The following NBEA variants were observed in gnomAD, a reference collection of about 807,000 sequenced individuals.
NBEA encodes lysosomal-trafficking regulator 2.
Under a neutral mutation model 343.4 loss-of-function variants are expected in NBEA, and 44 were observed. That is an observed-to-expected ratio of 0.13 (90% CI 0.10 to 0.16). The LOEUF is 0.16. Ranked by LOEUF, NBEA falls within the 10% of genes least tolerant of loss-of-function variation. The pLI, the probability that NBEA is intolerant of heterozygous loss-of-function variation, is 1.00. For synonymous variants in NBEA, 1,175 were observed against 1,238.7 expected (o/e 0.95, Z 1.08); for missense variants, 2,555 against 3,631.3 (o/e 0.70, Z 7.62).
intron 17 of NBEA, among the ~76,000 whole-genome samples, chr13:35,138,287 A>AT (rs1465078572): frequency 2.0e-5 from 3 of 152,124 alleles, no homozygotes; most frequent in Non-Finnish European, 2.9e-5. Flanking sequence ...GCAAAGTCTC[A>AT]TAAAAATTAA....
chr13:35,647,543 G>A (rs563947912), intron 51 of NBEA, among the ~76,000 whole-genome samples: 7 of 152,154 alleles, frequency 4.6e-5, no homozygotes, highest in East Asian at 3.9e-4. Context: ...ATCAGTAGTC[G>A]AACTTTTGGG....
At chr13:35,403,553 T>C (rs2043101005) in intron 38 of NBEA, among the ~76,000 whole-genome samples, 1 of 152,136 alleles carries the variant, frequency 6.6e-6, no homozygotes, top group Non-Finnish European at 1.5e-5. Flanking sequence ...GCTAGCCATA[T>C]GTAGAAAGCT....
chr13:35,224,945 G>T (rs993950795), intron 33 of NBEA, among the ~76,000 whole-genome samples: 1 of 152,056 alleles, frequency 6.6e-6, no homozygotes, highest in African/African-American at 2.4e-5. Context: ...ATTGAGCAGG[G>T]TTTATGTTTT....
chr13:35,066,421 T>C (rs2063655879), intron 8 of NBEA, among the ~76,000 whole-genome samples: 1 of 152,146 alleles, frequency 6.6e-6, no homozygotes, highest in Non-Finnish European at 1.5e-5. Context: ...TATTAAGTTG[T>C]GTGTTTCTCC....
rs538439178 is a variant in NBEA at position 35,030,608 on chromosome 13, A to G, written c.295-10325A>G. Among the ~76,000 whole-genome samples the G allele has an allele frequency of 2.0e-5, 3 of 151,794 alleles. No homozygotes were observed. In the East Asian group the frequency reaches 5.8e-4, roughly 29 times the overall value. On this transcript the variant is annotated intron_variant, in intron 1 of 58. Coordinates refer to ENST00000379939, the MANE Select transcript of NBEA (RefSeq NM_001385012.1). ...TAAATAATGAAGGTCAACTCTTTTT[A>G]CTTATTATATGCTTTAGTTGCTAAT...
intron 41 of NBEA, among the ~76,000 whole-genome samples, chr13:35,543,497 G>A (rs1225314604): frequency 6.6e-6 from 1 of 152,030 alleles, no homozygotes; most frequent in Admixed American, 6.6e-5. Context: ...TGAAAGTAAA[G>A]AATTGGGAAA....
chr13:35,170,374 A>T (rs2070369966), intron 25 of NBEA, among the ~76,000 whole-genome samples: 1 of 151,196 alleles, frequency 6.6e-6, no homozygotes, highest in Admixed American at 6.6e-5. Flanking sequence ...AATTTAAATA[A>T]TTTTTTTTTA....
intron 41 of NBEA, among the ~76,000 whole-genome samples, chr13:35,504,807 C>A (rs2077013947): frequency 6.6e-6 from 1 of 151,972 alleles, no homozygotes; most frequent in African/African-American, 2.4e-5. Context: ...AGAGGTCTTA[C>A]TATGTTGTCC....
At chr13:35,438,142 CAA>C (rs760610893) in intron 39 of NBEA, among the ~76,000 whole-genome samples, 1 of 151,994 alleles carries the variant, frequency 6.6e-6, no homozygotes, top group Non-Finnish European at 1.5e-5. Flanking sequence ...GCAAAAATGA[CAA>C]AGTTAATCAG....
chr13:35,608,618 T>A (rs904566892), intron 48 of NBEA, among the ~76,000 whole-genome samples: 3 of 152,174 alleles, frequency 2.0e-5, no homozygotes, highest in African/African-American at 4.8e-5. Context: ...ATTAATGAAT[T>A]ATAGAGGTGT....
rs758470539 is a variant in NBEA, at chr13:35,290,470, C to G, written c.5838+20C>G. On this transcript the variant is annotated intron_variant, in intron 35 of 58. Transcript: ENST00000379939. ...TCTCAGGTACAAAATCCCATTCACT[C>G]AGTTACATTAATATATGAGGGTTTT... 9 of 1,576,680 alleles carry G rather than the reference C, an allele frequency of 5.7e-6. No homozygotes were observed. The African/African-American group carries it at 1.1e-4, about 19-fold the overall frequency.
intron 1 of NBEA, among the ~76,000 whole-genome samples, chr13:35,032,152 C>T (rs1336506663): frequency 6.6e-6 from 1 of 151,526 alleles, no homozygotes. Context: ...TTGTATTCCT[C>T]TGGATATATA....
chr13:35,174,560 C>T (rs547278143), intron 27 of NBEA, among the ~76,000 whole-genome samples: 26 of 152,038 alleles, frequency 1.7e-4, no homozygotes, highest in Non-Finnish European at 3.8e-4. Flanking sequence ...TTATCCTATT[C>T]GTTGGTTATT....
intron 1 of NBEA, among the ~76,000 whole-genome samples, chr13:35,018,745 C>T (rs1005817619): frequency 6.6e-6 from 1 of 151,856 alleles, no homozygotes; most frequent in Admixed American, 6.6e-5. Flanking sequence ...ATTTTTCTTC[C>T]TGTTTTGCAT....
chr13:35,415,926 G>T (rs2043878938), intron 38 of NBEA, among the ~76,000 whole-genome samples: 1 of 152,080 alleles, frequency 6.6e-6, no homozygotes, highest in African/African-American at 2.4e-5. Flanking sequence ...GTGGTTTGTA[G>T]TTCTCCTTGA....
intron 38 of NBEA, among the ~76,000 whole-genome samples, chr13:35,374,236 AG>A (rs2041616274): frequency 6.6e-6 from 1 of 152,188 alleles, no homozygotes; most frequent in Admixed American, 6.5e-5. Context: ...AGGCCCAAGA[AG>A]AAGGAGAAAC....
chr13:35,262,720 T>A (rs1242670976), intron 34 of NBEA, among the ~76,000 whole-genome samples: 1 of 152,200 alleles, frequency 6.6e-6, no homozygotes, highest in African/African-American at 2.4e-5. Context: ...GGAGCTATTG[T>A]GTGTTGATTG....
At chr13:35,074,385 A>G (rs2064018001) in intron 10 of NBEA, among the ~76,000 whole-genome samples, 1 of 152,176 alleles carries the variant, frequency 6.6e-6, no homozygotes, top group Admixed American at 6.6e-5. Flanking sequence ...GATACAAAAT[A>G]AAACCTTCCT....
intron 18 of NBEA, 128 bp downstream of exon 18, chr13:35,142,505 G>A: frequency 2.0e-6 from 1 of 505,970 alleles, no homozygotes. Flanking sequence ...TGGTTTAATG[G>A]TAAAAAATGA....
Sources: allele counts gnomAD v4.1 joint callset (sites outside exome capture counted in the v4.1 genomes callset), GRCh38; gene constraint gnomAD v4.1.1; transcripts MANE v1.5; gene names NCBI Gene and HGNC (gene_info 2026-07-23, HGNC 2026-07-21).